SIM2: variants seen among roughly 807,000 people sequenced by gnomAD.
SIM2 encodes single-minded homolog 2.
In SIM2, 28 loss-of-function variants were observed where a neutral mutation model predicts 64.8. The observed-to-expected ratio is 0.43, with a 90% confidence interval of 0.32 to 0.59. The LOEUF (loss-of-function observed/expected upper bound fraction) is 0.59, where lower values mean the gene tolerates loss of function less well. Among genes scored for constraint, SIM2 ranks in the 20% least tolerant of loss-of-function variants. SIM2 has a pLI of 0.07. For missense variants in SIM2, 847 were observed against 871.4 expected, an observed-to-expected ratio of 0.97 and a Z score of 0.35; for synonymous variants, 408 against 391.1, an observed-to-expected ratio of 1.04 and a Z score of -0.51.
rs779697868 is a variant in SIM2 at position 36,719,949 on chromosome 21, A to C, written c.457+20A>C. 79 of 1,477,754 alleles carry C rather than the reference A, an allele frequency of 5.3e-5. 1 individual carries two copies. The African/African-American group carries it at 7.8e-4, about 15-fold the overall frequency. The allele number at this position is 1,477,754 out of a possible 1,614,324, so 91.5% of individuals were successfully genotyped here. A position where few individuals can be genotyped will look rare whatever the true frequency, so the allele number is the denominator to read the frequency against. ...TCCAAGGTATTCCATCCAGAGGGAA[A>C]AAAAAAAACAGACTAAAAGCAAGGC... On this transcript the variant is annotated intron_variant, in intron 4 of 10. Transcript: ENST00000290399.
At chr21:36,701,235 C>A (rs1474738568) in intron 1 of SIM2, 1 of 152,326 alleles carries the variant, frequency 6.6e-6, no homozygotes, top group East Asian at 1.9e-4. Context: ...GCCGGACGGT[C>A]GGGGCAGAGC....
At chr21:36,736,080 C>T (rs1488280074) in intron 7 of SIM2, among the ~76,000 whole-genome samples, 1 of 152,228 alleles carries the variant, frequency 6.6e-6, no homozygotes, top group African/African-American at 2.4e-5. Flanking sequence ...GATGCGGGGA[C>T]ACAGGCAGCC....
intron 8 of SIM2, among the ~76,000 whole-genome samples, chr21:36,743,175 GGC>G (rs1416443127): frequency 6.6e-6 from 1 of 152,200 alleles, no homozygotes; most frequent in Non-Finnish European, 1.5e-5. Flanking sequence ...GCTCTGACCT[GGC>G]TCAGCATTTC....
chr21:36,731,052 G>C lies in SIM2; in HGVS notation c.751G>C (p.Glu251Gln), dbSNP rs776912680. ...KLIFLDSRVTEVTGYEPQDLI... is the reference protein window; with the variant it reads ...KLIFLDSRVTQVTGYEPQDLI... The stretch of plus-strand genomic sequence containing the variant: ...GCTGCCATGCCCCCACAGGGTGACC[G>C]AGGTGACGGGGTACGAGCCGCAGGA... Residue 251 changes from glutamate to glutamine, a missense_variant, in exon 7 of 11, where the codon GAG becomes CAG. Glu to Gln is a conservative substitution (Grantham distance 29). This residue lies in a region of SIM2 where 397 missense variants were observed against 439.2 expected (regional missense o/e 0.90). Coordinates refer to ENST00000290399, the MANE Select transcript of SIM2 (RefSeq NM_005069.6). The C allele has an allele frequency of 1.9e-6, 3 of 1,613,750 alleles. No homozygotes were observed. Among genetic ancestry groups the C allele is most frequent in the Non-Finnish European group, 2.5e-6 (3 of 1,179,734 alleles).
At chr21:36,728,826 C>T (rs958181242) in intron 6 of SIM2, among the ~76,000 whole-genome samples, 1 of 152,244 alleles carries the variant, frequency 6.6e-6, no homozygotes, top group African/African-American at 2.4e-5. Flanking sequence ...GTCCAGCGGC[C>T]CCAAGTCACA....
chr21:36,722,195 G>T (rs145456058), intron 4 of SIM2, among the ~76,000 whole-genome samples: 1 of 152,200 alleles, frequency 6.6e-6, no homozygotes, highest in African/African-American at 2.4e-5. Flanking sequence ...GGCTGGGGCA[G>T]GCAGCCATGT....
intron 1 of SIM2, 119 bp downstream of exon 1, chr21:36,700,040 G>A (rs919889203): frequency 2.5e-5 from 27 of 1,070,694 alleles, no homozygotes; most frequent in Non-Finnish European, 3.2e-5. Flanking sequence ...GAGCTGGGGC[G>A]TCTGAGGGAG....
At chr21:36,714,940 T>C (rs566907478) in intron 3 of SIM2, among the ~76,000 whole-genome samples, 5 of 152,312 alleles carry the variant, frequency 3.3e-5, no homozygotes, top group Admixed American at 6.5e-5. Flanking sequence ...AAACTTTGCA[T>C]CATAATTTTG....
chr21:36,731,082 A>T lies in SIM2; in HGVS notation c.781A>T (p.Ile261Phe). The stretch of plus-strand genomic sequence containing the variant: ...GACGGGGTACGAGCCGCAGGACCTG[A>T]TCGAGAAGACCCTATACCATCACGT... ...EVTGYEPQDL[I>F]EKTLYHHVHG... The change falls in exon 7 of 11, where the codon ATC becomes TTC. Residue 261 changes from isoleucine to phenylalanine, a missense_variant. By Grantham distance (21) the Ile-to-Phe change is conservative. This residue lies in a region of SIM2 where 397 missense variants were observed against 439.2 expected (regional missense o/e 0.90). Transcript: ENST00000290399. 1 of 1,614,112 alleles carries T rather than the reference A, an allele frequency of 6.2e-7. No individual in the cohort carries two copies. Among genetic ancestry groups the T allele is most frequent in the South Asian group, 1.1e-5 (1 of 91,080 alleles).
intron 3 of SIM2, among the ~76,000 whole-genome samples, chr21:36,715,442 CA>C (rs1343764531): frequency 1.3e-5 from 2 of 152,100 alleles, no homozygotes; most frequent in African/African-American, 4.8e-5. Flanking sequence ...TGGGCTTAAA[CA>C]TTTTTTTTAA....
Position 36,748,287 on chromosome 21 carries a change from G to C in SIM2, c.*195G>C. ...CGAGGGCCGAGGAGCGCCCGGGTCC[G>C]GGCAGGTGACCGCCCGCCTCTGTCC... On this transcript the variant is annotated 3_prime_UTR_variant, in exon 11 of 11. Transcript: ENST00000290399. 1 of 251,426 alleles carries C rather than the reference G, an allele frequency of 4.0e-6. No homozygotes were observed. Among genetic ancestry groups the C allele is most frequent in the East Asian group, 8.0e-5 (1 of 12,480 alleles). 15.6% of individuals were successfully genotyped at this position (251,426 alleles called of 1,614,324 possible). A position where few individuals can be genotyped will look rare whatever the true frequency, so the allele number is the denominator to read the frequency against.
intron 5 of SIM2, 84 bp downstream of exon 5, chr21:36,723,214 C>T (rs543671762): frequency 2.1e-5 from 24 of 1,122,480 alleles, no homozygotes; most frequent in Non-Finnish European, 3.3e-5. Flanking sequence ...AAGGAAGGCA[C>T]GGGAGCACAA....
chr21:36,737,402 G>A (rs1055496035), intron 7 of SIM2, among the ~76,000 whole-genome samples: 2 of 152,148 alleles, frequency 1.3e-5, no homozygotes, highest in African/African-American at 4.8e-5. Flanking sequence ...TTCATGTTTG[G>A]GAGACTTTTT....
intron 2 of SIM2, among the ~76,000 whole-genome samples, chr21:36,710,858 C>A (rs1182334754): frequency 6.6e-6 from 1 of 152,232 alleles, no homozygotes; most frequent in Admixed American, 6.5e-5. Flanking sequence ...GCGGCCTCTG[C>A]TCGCCCTCCT....
At chr21:36,719,230 T>C (rs732638) in intron 3 of SIM2, among the ~76,000 whole-genome samples, 119,765 of 152,310 alleles carry the variant, frequency 0.79, 48,020 homozygotes, top group African/African-American at 0.95. Context: ...TCATTGCTGG[T>C]AATGTGAGAG....
intron 3 of SIM2, 96 bp downstream of exon 3, chr21:36,712,718 G>C (rs1393112839): frequency 1.2e-6 from 1 of 808,740 alleles, no homozygotes; most frequent in Non-Finnish European, 2.1e-6. Flanking sequence ...GTCTGTTTAA[G>C]TGTTTGCTTT....
chr21:36,734,122 G>A (rs758943448), intron 7 of SIM2, among the ~76,000 whole-genome samples: 10 of 152,174 alleles, frequency 6.6e-5, no homozygotes, highest in South Asian at 2.1e-4. Flanking sequence ...GCTGTCAGCC[G>A]TCACCACCAC....
chr21:36,722,699 T>C, intron 4 of SIM2, among the ~76,000 whole-genome samples: 1 of 152,176 alleles, frequency 6.6e-6, no homozygotes, highest in East Asian at 1.9e-4. Context: ...ACTCAAGTCC[T>C]GCTACCCTGA....
intron 7 of SIM2, among the ~76,000 whole-genome samples, chr21:36,736,795 T>TTCTC (rs375774822): frequency 0.67 from 95,079 of 142,272 alleles, 30,828 homozygotes; most frequent in African/African-American, 0.7. Flanking sequence ...CCTTCTTTCT[T>TTCTC]TTTCTTTCTG....
Sources: gnomAD v4.1 joint callset for allele counts (sites outside exome capture counted in the v4.1 genomes callset) on GRCh38, gnomAD v4.1.1 for gene constraint, gnomAD v4.1.1 regional missense constraint, MANE v1.5 for transcripts, NCBI Gene and HGNC (gene_info 2026-07-23, HGNC 2026-07-21) for gene names.